Variants in RSU1 observed in about 807,000 individuals in gnomAD.
The protein encoded by RSU1 is Ras suppressor protein 1.
Under a neutral mutation model 31.1 loss-of-function variants are expected in RSU1, and 26 were observed. The observed-to-expected ratio is 0.84, with a 90% CI of 0.61 to 1.16. The LOEUF (loss-of-function observed/expected upper bound fraction) is 1.16. RSU1 is among the 50% of genes most tolerant of loss of function. RSU1 has a pLI of 0.00. For synonymous variants in RSU1, 164 were observed against 136.3 expected (o/e 1.20, Z -1.41); for missense variants, 320 against 339.1 (o/e 0.94, Z 0.44).
intron 3 of RSU1, among the ~76,000 whole-genome samples, chr10:16,781,351 CCAG>C (rs1163378345): frequency 2.0e-5 from 3 of 152,044 alleles, no homozygotes; most frequent in Non-Finnish European, 4.4e-5. Flanking sequence ...CTATGGATAC[CCAG>C]CAGAATTTTT....
intron 8 of RSU1, among the ~76,000 whole-genome samples, chr10:16,593,997 T>C (rs116153446): frequency 0.016 from 2,403 of 152,344 alleles, 80 homozygotes; most frequent in African/African-American, 0.054. Context: ...CATTAATAAG[T>C]ACCGCTGATT....
At chr10:16,598,589 A>T (rs918532710) in intron 8 of RSU1, among the ~76,000 whole-genome samples, 6 of 152,326 alleles carry the variant, frequency 3.9e-5, no homozygotes, top group African/African-American at 1.4e-4. Flanking sequence ...GGTCAAAGTG[A>T]AAGAGATTTG....
chr10:16,684,901 G>C (rs898139160), intron 8 of RSU1, among the ~76,000 whole-genome samples: 7 of 152,180 alleles, frequency 4.6e-5, no homozygotes, highest in Non-Finnish European at 1.0e-4. Context: ...TAATTGGATA[G>C]AGAATATAAA....
At chr10:16,774,324 T>C (rs76194666) in intron 3 of RSU1, among the ~76,000 whole-genome samples, 1,566 of 152,136 alleles carry the variant, frequency 0.01, 61 homozygotes, top group East Asian at 0.072. Context: ...CTTTAAGAAA[T>C]AGCATCACTA....
chr10:16,713,880 G>C (rs1836071686), intron 7 of RSU1, among the ~76,000 whole-genome samples: 1 of 152,260 alleles, frequency 6.6e-6, no homozygotes, highest in South Asian at 2.1e-4. Context: ...TGTCATTTGA[G>C]TGTGGTGAGT....
At chr10:16,619,597 A>C (rs917628646) in intron 8 of RSU1, among the ~76,000 whole-genome samples, 2 of 152,206 alleles carry the variant, frequency 1.3e-5, no homozygotes, top group African/African-American at 2.4e-5. Flanking sequence ...TCCTTGAACA[A>C]AAGGTGGCAG....
At chr10:16,628,448 T>C (rs1203283359) in intron 8 of RSU1, among the ~76,000 whole-genome samples, 1 of 152,120 alleles carries the variant, frequency 6.6e-6, no homozygotes, top group East Asian at 1.9e-4. Flanking sequence ...TTTCTTTCGA[T>C]ATAAATCTTA....
chr10:16,608,904 C>G (rs1833849016), intron 8 of RSU1, among the ~76,000 whole-genome samples: 1 of 152,168 alleles, frequency 6.6e-6, no homozygotes, highest in Non-Finnish European at 1.5e-5. Flanking sequence ...GCCATCATAG[C>G]TCACTGCAGC....
At chr10:16,662,281 G>A (rs924404805) in intron 8 of RSU1, among the ~76,000 whole-genome samples, 3 of 152,184 alleles carry the variant, frequency 2.0e-5, no homozygotes, top group African/African-American at 7.2e-5. Context: ...TGCCCATGGT[G>A]TCTACAGACA....
At chr10:16,784,522 C>A (rs528368623) in intron 2 of RSU1, among the ~76,000 whole-genome samples, 13 of 152,280 alleles carry the variant, frequency 8.5e-5, no homozygotes, top group African/African-American at 3.1e-4. Context: ...CTGGAGCAGG[C>A]ATCTTCACAT....
chr10:16,731,314 C>T (rs1411687164), intron 7 of RSU1, among the ~76,000 whole-genome samples: 2 of 151,628 alleles, frequency 1.3e-5, no homozygotes, highest in East Asian at 3.9e-4. Flanking sequence ...CCTGTAGTCC[C>T]AGCTACTTGG....
intron 8 of RSU1, among the ~76,000 whole-genome samples, chr10:16,610,720 G>T (rs916981965): frequency 2.4e-4 from 37 of 152,088 alleles, no homozygotes; most frequent in African/African-American, 8.7e-4. Flanking sequence ...AATAATAATA[G>T]AAATAAGGCA....
At position 16,663,296 on chromosome 10, in the gene RSU1, G is replaced by C. The variant is rs545524914; in HGVS notation, c.731+31727C>G. Among the ~76,000 whole-genome samples, 12 of 152,258 alleles carry C rather than the reference G, an allele frequency of 7.9e-5. No individual in the cohort carries two copies. The South Asian group carries it at 2.5e-3, about 32-fold the overall frequency. ...AGAAGCATGTGTGATGCTCTGTCTG[G>C]ATCTGCCCCTTTTCATGCTTTCAGA... is the stretch of plus-strand genomic sequence containing the variant. On this transcript the variant is annotated intron_variant, in intron 8 of 8. Coordinates refer to ENST00000345264, the MANE Select transcript of RSU1 (RefSeq NM_012425.4).
chr10:16,755,744 T>C (rs1229031741), intron 4 of RSU1, among the ~76,000 whole-genome samples: 9 of 152,192 alleles, frequency 5.9e-5, no homozygotes, highest in African/African-American at 1.9e-4. Context: ...CTAACATCTC[T>C]GCAATTCCCC....
intron 8 of RSU1, among the ~76,000 whole-genome samples, chr10:16,597,458 C>T (rs183787272): frequency 2.0e-5 from 3 of 152,090 alleles, no homozygotes; most frequent in South Asian, 2.1e-4. Context: ...CTGCTTTTGA[C>T]GTTTATTAGC....
intron 7 of RSU1, among the ~76,000 whole-genome samples, chr10:16,743,725 T>A (rs1015629394): frequency 2.6e-5 from 4 of 152,178 alleles, no homozygotes; most frequent in African/African-American, 4.8e-5. Context: ...GGGAAGGTAA[T>A]TACCCCGAAA....
intron 3 of RSU1, among the ~76,000 whole-genome samples, chr10:16,780,383 G>T (rs1213517586): frequency 6.6e-6 from 1 of 152,112 alleles, no homozygotes; most frequent in Non-Finnish European, 1.5e-5. Flanking sequence ...GGGACCACAG[G>T]TGCTGGACCC....
At chr10:16,764,672 A>T (rs1248175829) in intron 3 of RSU1, among the ~76,000 whole-genome samples, 162 bp from the exon 4 acceptor site, 4 of 152,174 alleles carry the variant, frequency 2.6e-5, no homozygotes, top group African/African-American at 9.7e-5. Flanking sequence ...GGTTTTTCAT[A>T]AGCAGTCACT....
chr10:16,793,821 G>A (rs1837975287), intron 2 of RSU1, among the ~76,000 whole-genome samples: 1 of 151,460 alleles, frequency 6.6e-6, no homozygotes, highest in East Asian at 1.9e-4. Context: ...GAAAGTGATG[G>A]TGAATGTTAT....
Sources: gnomAD v4.1 joint callset for allele counts (sites outside exome capture counted in the v4.1 genomes callset) on GRCh38, gnomAD v4.1.1 for gene constraint, MANE v1.5 for transcripts, NCBI Gene and HGNC (gene_info 2026-07-23, HGNC 2026-07-21) for gene names.